HMCN2: variants seen among roughly 807,000 people sequenced by gnomAD.
HMCN2 encodes hemicentin-2.
HMCN2 carries 325 observed loss-of-function variants against 377.5 expected under a neutral mutation model. The ratio of observed to expected loss-of-function variants is 0.86; its 90% CI spans 0.79 to 0.94. HMCN2 has a LOEUF of 0.94. Ranked by LOEUF, HMCN2 falls within the 40% of genes least tolerant of loss-of-function variation. HMCN2 has a pLI of 0.00. For missense variants in HMCN2, 4,543 were observed against 4,725.3 expected, an observed-to-expected ratio of 0.96 and a Z score of 1.13; for synonymous variants, 2,007 against 2,046.8, an observed-to-expected ratio of 0.98 and a Z score of 0.53.
intron 1 of HMCN2, among the ~76,000 whole-genome samples, chr9:130,281,519 G>A (rs1380801424): frequency 6.6e-6 from 1 of 151,886 alleles, no homozygotes; most frequent in Non-Finnish European, 1.5e-5. Context: ...AATGACTTGA[G>A]CCTGGGAACT....
intron 28 of HMCN2, 95 bp from the exon 29 acceptor site, chr9:130,349,442 C>A: frequency 3.3e-6 from 4 of 1,218,532 alleles, no homozygotes; most frequent in Non-Finnish European, 4.2e-6. Flanking sequence ...GGAGGGGGGC[C>A]CAGGCTGGGG....
chr9:130,369,575 C>T lies in HMCN2; in HGVS notation c.6793C>T (p.Pro2265Ser), dbSNP rs1840898983. 2 of 985,826 alleles carry T rather than the reference C, an allele frequency of 2.0e-6. No individual in the cohort carries two copies. The highest frequency in any genetic ancestry group is 2.4e-6 in the Non-Finnish European group (2 of 829,958). The allele number at this position is 985,826 out of a possible 1,614,324, so 61.1% of individuals were successfully genotyped here. ...QDLQLEVHVP[P>S]QIAGPREPPT... ...CTTTCTCCCCACCCCAACAGTTCCC[C>T]CTCAGATTGCCGGTCCCCGGGAGCC... Residue 2265 changes from proline (P) to serine (S), a missense_variant, in exon 45 of 98, where the codon CCT becomes TCT. Physicochemically the swap from Pro to Ser is moderately conservative, Grantham distance 74. Transcript: ENST00000683500. This position sits in a 1 kb window ranked among gnomAD's most constrained non-coding sequence, Gnocchi z 4.5.
intron 14 of HMCN2, among the ~76,000 whole-genome samples, chr9:130,309,350 C>T (rs915740154): frequency 3.3e-5 from 5 of 151,544 alleles, no homozygotes; most frequent in Non-Finnish European, 5.9e-5. Context: ...CCTGTCTCCA[C>T]CAAAAATATA....
At chr9:130,290,863 A>G (rs1588181379) in intron 4 of HMCN2, among the ~76,000 whole-genome samples, 1 of 9,684 alleles carries the variant, frequency 1.0e-4, no homozygotes, top group African/African-American at 2.0e-3. Flanking sequence ...GCTCAGTCTG[A>G]AAAAAAAAAA....
chr9:130,339,669 A>C (rs1333024629), intron 23 of HMCN2, among the ~76,000 whole-genome samples: 2 of 152,242 alleles, frequency 1.3e-5, no homozygotes, highest in African/African-American at 4.8e-5. Context: ...TTGAATGCTC[A>C]GAACAATGGA....
rs1835408893 is a variant in HMCN2 at position 130,286,293 on chromosome 9, AAGC to A, written c.600_602del (p.Gln201del). On this transcript the variant is annotated inframe_deletion, in exon 4 of 98. Transcript: ENST00000683500. Reference sequence around the variant, plus strand: ...CTCTGGGCAGGTGTTCCACCTGGACAAGCAGCAAGTGACAGAGGTGAGCACTGG... The same window carrying A: ...CTCTGGGCAGGTGTTCCACCTGGACAAGCAAGTGACAGAGGTGAGCACTGG... 1 of 470,960 alleles carries A rather than the reference AAGC, an allele frequency of 2.1e-6. No individual in the cohort carries two copies. Among genetic ancestry groups the A allele is most frequent in the South Asian group, 1.5e-5 (1 of 64,566 alleles). 29.2% of individuals were successfully genotyped at this position (470,960 alleles called of 1,614,324 possible). A position where few individuals can be genotyped will look rare whatever the true frequency, so the allele number is the denominator to read the frequency against.
At chr9:130,325,254 C>CACAG (rs1838073027) in intron 19 of HMCN2, among the ~76,000 whole-genome samples, 1 of 152,038 alleles carries the variant, frequency 6.6e-6, no homozygotes, top group African/African-American at 2.4e-5. Flanking sequence ...CACCACCATG[C>CACAG]ACAGCTAATT....
At chr9:130,322,343 C>CATCT (rs878997501) in intron 19 of HMCN2, among the ~76,000 whole-genome samples, 2 of 47,428 alleles carry the variant, frequency 4.2e-5, no homozygotes, top group Admixed American at 2.4e-4. Flanking sequence ...TCTATCTATC[C>CATCT]ATCTATCTAT....
chr9:130,313,181 C>T (rs1837358235), intron 15 of HMCN2, among the ~76,000 whole-genome samples: 1 of 146,540 alleles, frequency 6.8e-6, no homozygotes, highest in South Asian at 2.1e-4. Context: ...AATGGAATTT[C>T]CTGCCTATCT....
chr9:130,316,083 G>T (rs1244729424), intron 15 of HMCN2, among the ~76,000 whole-genome samples: 4 of 152,194 alleles, frequency 2.6e-5, no homozygotes, highest in African/African-American at 4.8e-5. Flanking sequence ...GCACCACCGA[G>T]GGTGGTTCAG....
chr9:130,309,515 A>G (rs1430061546), intron 14 of HMCN2, among the ~76,000 whole-genome samples: 1 of 43,272 alleles, frequency 2.3e-5, no homozygotes, highest in Non-Finnish European at 4.5e-5. Flanking sequence ...ACTCTGTCTC[A>G]AAAAAAAAAA....
Position 130,392,117 on chromosome 9 carries a change from A to T in HMCN2, c.10135A>T (p.Arg3379Trp). 1.0e-6 allele frequency: 1 copy of T among 988,040 alleles called. No homozygotes were observed. Among genetic ancestry groups the T allele is most frequent in the Non-Finnish European group, 1.2e-6 (1 of 830,114 alleles). 61.2% of individuals were successfully genotyped at this position (988,040 alleles called of 1,614,324 possible). A position where few individuals can be genotyped will look rare whatever the true frequency, so the allele number is the denominator to read the frequency against. The change falls in exon 66 of 98, where the codon AGG becomes TGG. Residue 3379 changes from arginine to tryptophan, a missense_variant and splice_region_variant. Transcript: ENST00000683500. ...TLLHGSGHTLRISKVQLADAG... is the reference protein window; with the variant it reads ...TLLHGSGHTLWISKVQLADAG... ...CCTCCACGGCTCTGGCCACACCCTC[A>T]GGTAGGGGAGACGGTGGACAGGCCT... is the stretch of plus-strand genomic sequence containing the variant.
intron 15 of HMCN2, among the ~76,000 whole-genome samples, chr9:130,313,052 G>T (rs1424136517): frequency 3.3e-5 from 5 of 152,184 alleles, no homozygotes; most frequent in Non-Finnish European, 5.9e-5. Context: ...TGTCCCTGTG[G>T]CAGAGTTTCT....
intron 26 of HMCN2, chr9:130,348,057 GTGGTCTCTGTCGGCAGGATGAAC>G: frequency 1.0e-6 from 1 of 985,322 alleles, no homozygotes; most frequent in Non-Finnish European, 1.2e-6. Flanking sequence ...GGGCTGGGGA[GTGGTCTCTGTCGGCAGGATGAAC>G]TGGCCCCGCT....
rs551563598 is a variant in HMCN2, at chr9:130,369,247, G to A, written c.6788-323G>A. Among the ~76,000 whole-genome samples, 11 of 152,294 alleles carry A rather than the reference G, an allele frequency of 7.2e-5. No homozygotes were observed. Among genetic ancestry groups the A allele is most frequent in the South Asian group, 4.1e-4 (2 of 4,826 alleles). On this transcript the variant is annotated intron_variant, in intron 44 of 97. Coordinates refer to ENST00000683500, the MANE Select transcript of HMCN2 (RefSeq NM_001291815.2). The surrounding 1 kb of genome is among the most constrained non-coding windows in gnomAD (Gnocchi z 4.5). ...CAACATCTTGAGGAGAAACCCACCC[G>A]TAGAATAATTTCCCACCCCTAACCA...
chr9:130,347,727 A>C lies in HMCN2; in HGVS notation c.4024+367A>C, dbSNP rs1045631124. ...CTAGAGGTGAAGGCATTTTAAAATG[A>C]CCCCTTGGCTGGGCATGGTGGCTTG... On this transcript the variant is annotated intron_variant, in intron 26 of 97. Transcript: ENST00000683500. The surrounding 1 kb of genome is among the most constrained non-coding windows in gnomAD (Gnocchi z 5.1). Among the ~76,000 whole-genome samples the C allele has an allele frequency of 3.3e-5, 5 of 152,002 alleles. No individual in the cohort carries two copies. The highest frequency in any genetic ancestry group is 6.6e-5 in the Admixed American group (1 of 15,256).
chr9:130,357,728 C>A, intron 34 of HMCN2, 106 bp from the exon 35 acceptor site: 1 of 827,688 alleles, frequency 1.2e-6, no homozygotes, highest in Non-Finnish European at 1.7e-6. Flanking sequence ...TTTGGCCAGC[C>A]CTTCAAGGGC....
chr9:130,419,778 T>C (rs1224057446), intron 86 of HMCN2, among the ~76,000 whole-genome samples: 2 of 152,064 alleles, frequency 1.3e-5, no homozygotes, highest in African/African-American at 4.8e-5. Context: ...ACCACATGCG[T>C]TGGCAGAATC....
In HMCN2 at chr9:130,303,569, G is replaced by T. The variant is rs1253280334; in HGVS notation, c.1504G>T (p.Ala502Ser). The change falls in exon 10 of 98, where the codon GCT becomes TCT. Residue 502 changes from alanine to serine, a missense_variant. Ala to Ser is a moderately conservative substitution (Grantham distance 99, BLOSUM62 1). This residue lies in a region of HMCN2 where 547 missense variants were observed against 189.9 expected (regional missense o/e 2.88). Coordinates refer to ENST00000683500, the MANE Select transcript of HMCN2 (RefSeq NM_001291815.2). This position sits in a 1 kb window ranked among gnomAD's most constrained non-coding sequence, Gnocchi z 5.2. ...GTACGAGTGCACAGCCGTCAGCAGGGCTGGGACCGGGCGAGCAAAGGCCCA... is the reference window on the plus strand; with the variant it reads ...GTACGAGTGCACAGCCGTCAGCAGGTCTGGGACCGGGCGAGCAAAGGCCCA... The part of the protein sequence containing the change: ...GTYECTAVSR[A>S]GTGRAKAQIV... 2.9e-5 allele frequency: 11 copies of T among 374,712 alleles called. No individual in the cohort carries two copies. Among genetic ancestry groups the T allele is most frequent in the Non-Finnish European group, 5.7e-5 (10 of 175,234 alleles). 23.2% of individuals were successfully genotyped at this position (374,712 alleles called of 1,614,324 possible).
Sources: gnomAD v4.1 joint callset for allele counts (sites outside exome capture counted in the v4.1 genomes callset) on GRCh38, gnomAD v4.1.1 for gene constraint, gnomAD v4.1.1 regional missense constraint, Gnocchi (gnomAD v3.1) non-coding constraint, MANE v1.5 for transcripts, NCBI Gene and HGNC (gene_info 2026-07-23, HGNC 2026-07-21) for gene names.